SPAG17: variants seen among roughly 807,000 people sequenced by gnomAD.
SPAG17 encodes the protein sperm associated antigen 17.
Under a neutral mutation model 273.6 loss-of-function variants are expected in SPAG17, and 169 were observed. That is an observed-to-expected ratio of 0.62 (90% confidence interval 0.55 to 0.70). SPAG17 has a LOEUF of 0.70. Ranked by LOEUF, SPAG17 falls within the 30% of genes least tolerant of loss-of-function variation. The probability of loss-of-function intolerance (pLI) is 0.00; values close to 1 mark genes in which losing one functional copy is unlikely to be tolerated. For synonymous variants in SPAG17, 825 were observed against 873.2 expected, an observed-to-expected ratio of 0.94 and a Z score of 0.97; for missense variants, 2,557 against 2,627.8, an observed-to-expected ratio of 0.97 and a Z score of 0.59.
intron 3 of SPAG17, among the ~76,000 whole-genome samples, chr1:118,149,444 A>T (rs1427954612): frequency 6.6e-6 from 1 of 152,216 alleles, no homozygotes; most frequent in Non-Finnish European, 1.5e-5. Flanking sequence ...AGCCACTCAC[A>T]AGAAAAATTC....
chr1:118,021,663 C>T (rs1660508121), intron 28 of SPAG17, among the ~76,000 whole-genome samples: 1 of 152,106 alleles, frequency 6.6e-6, no homozygotes, highest in African/African-American at 2.4e-5. Context: ...GTGCACTTTC[C>T]ACTCAATTTT....
At chr1:118,174,323 TAAC>T (rs2102399684) in intron 1 of SPAG17, among the ~76,000 whole-genome samples, 1 of 152,010 alleles carries the variant, frequency 6.6e-6, no homozygotes, top group African/African-American at 2.4e-5. Context: ...AAAAATACAA[TAAC>T]TAAACTGGAA....
intron 3 of SPAG17, among the ~76,000 whole-genome samples, chr1:118,126,503 G>A (rs539934455): frequency 4.6e-5 from 7 of 151,814 alleles, no homozygotes; most frequent in South Asian, 2.1e-4. Context: ...GTGAGCCACC[G>A]CGCCCGGCCT....
chr1:118,074,511 C>A, intron 16 of SPAG17, 28 bp downstream of exon 16: 1 of 1,589,254 alleles, frequency 6.3e-7, no homozygotes, highest in Non-Finnish European at 8.6e-7. Context: ...ATCTTGTCAT[C>A]TACATTTTCA....
chr1:117,962,110 A>G (rs1653177244), intron 48 of SPAG17: 1 of 151,864 alleles, frequency 6.6e-6, no homozygotes, highest in African/African-American at 2.4e-5. Context: ...TAGCTTTGCC[A>G]CCATTTATAA....
intron 32 of SPAG17, among the ~76,000 whole-genome samples, chr1:117,999,889 G>A (rs1658086453): frequency 6.6e-6 from 1 of 152,154 alleles, no homozygotes; most frequent in African/African-American, 2.4e-5. Context: ...TAGTCATGAA[G>A]TACTTGCCCA....
At chr1:117,972,706 ATT>A (rs1654699278) in intron 44 of SPAG17, among the ~76,000 whole-genome samples, 1 of 152,112 alleles carries the variant, frequency 6.6e-6, no homozygotes, top group Non-Finnish European at 1.5e-5. Flanking sequence ...TAATTTATAT[ATT>A]GTCAGTTATA....
intron 1 of SPAG17, among the ~76,000 whole-genome samples, chr1:118,167,913 T>C (rs1427418307): frequency 6.6e-6 from 1 of 152,148 alleles, no homozygotes; most frequent in South Asian, 2.1e-4. Flanking sequence ...TGTGGTCATT[T>C]AAAAGTGTGT....
chr1:118,007,900 G>A, intron 31 of SPAG17, 144 bp downstream of exon 31: 1 of 788,864 alleles, frequency 1.3e-6, no homozygotes, highest in South Asian at 1.8e-5. Context: ...AGTTTGAGAA[G>A]TATATTCTAA....
At chr1:118,093,092 A>T (rs55884631) in intron 8 of SPAG17, 64 bp downstream of exon 8, 28,836 of 1,506,136 alleles carry the variant, frequency 0.019, 304 homozygotes, top group Middle Eastern at 0.024. Flanking sequence ...ATGCCTTATA[A>T]ATATGAAAAT....
chr1:117,988,618 C>T (rs1250881877), intron 38 of SPAG17, among the ~76,000 whole-genome samples: 2 of 151,780 alleles, frequency 1.3e-5, no homozygotes, highest in East Asian at 3.8e-4. Flanking sequence ...ATTTAGGCAG[C>T]GATTCTCAGT....
At chr1:118,027,816 A>C (rs1388817403) in intron 26 of SPAG17, among the ~76,000 whole-genome samples, 1 of 152,206 alleles carries the variant, frequency 6.6e-6, no homozygotes, top group South Asian at 2.1e-4. Flanking sequence ...AACCTATTTA[A>C]TCTACATCTA....
intron 45 of SPAG17, among the ~76,000 whole-genome samples, chr1:117,970,917 A>G (rs1430418915): frequency 1.3e-5 from 2 of 152,186 alleles, no homozygotes; most frequent in Non-Finnish European, 2.9e-5. Flanking sequence ...CTAAAAAACA[A>G]TCGTGTGATT....
In SPAG17 at chr1:117,988,938, G is replaced by A. The variant is rs371707184; in HGVS notation, c.5522-734C>T. Among the ~76,000 whole-genome samples the A allele has an allele frequency of 2.4e-4, 37 of 152,128 alleles. No individual in the cohort carries two copies. The East Asian group carries it at 3.5e-3, about 14-fold the overall frequency. On this transcript the variant is annotated intron_variant, in intron 38 of 48. Coordinates refer to ENST00000336338, the MANE Select transcript of SPAG17 (RefSeq NM_206996.4). ...AGGATCATTTTAATTAACATGTCAG[G>A]TATGCAACAGCTGTTTATTTCCTGG... is the stretch of plus-strand genomic sequence containing the variant.
chr1:118,128,115 C>A (rs1457093617), intron 3 of SPAG17, among the ~76,000 whole-genome samples: 4 of 149,950 alleles, frequency 2.7e-5, no homozygotes, highest in Admixed American at 2.7e-4. Context: ...AGCAAGATTC[C>A]ATTTCAAAAA....
chr1:117,972,423 A>G (rs781312093), intron 44 of SPAG17, among the ~76,000 whole-genome samples: 122 of 152,258 alleles, frequency 8.0e-4, no homozygotes, highest in Non-Finnish European at 6.0e-4. Flanking sequence ...CTTTACCCCC[A>G]GAGTTTTTCA....
chr1:118,096,591 G>C (rs1352793407), intron 7 of SPAG17, among the ~76,000 whole-genome samples: 3 of 152,170 alleles, frequency 2.0e-5, no homozygotes, highest in African/African-American at 7.2e-5. Context: ...GAGATTTTCT[G>C]TAGCAGAGGG....
intron 38 of SPAG17, among the ~76,000 whole-genome samples, chr1:117,989,531 C>A (rs985674522): frequency 2.5e-4 from 38 of 152,094 alleles, no homozygotes; most frequent in African/African-American, 8.4e-4. Flanking sequence ...ACCCAAACAC[C>A]TCCCATTAGG....
At chr1:118,118,660 A>G (rs563926664) in intron 3 of SPAG17, among the ~76,000 whole-genome samples, 144 of 152,310 alleles carry the variant, frequency 9.5e-4, no homozygotes, top group Non-Finnish European at 1.6e-3. Flanking sequence ...GCCTGCCAGG[A>G]CCGGAGAGAG....
Sources: allele counts gnomAD v4.1 joint callset (sites outside exome capture counted in the v4.1 genomes callset), GRCh38; gene constraint gnomAD v4.1.1; transcripts MANE v1.5; gene names NCBI Gene and HGNC (gene_info 2026-07-23, HGNC 2026-07-21).